The following RELN variants were observed in gnomAD, a reference collection of about 807,000 sequenced individuals.
RELN encodes reelin.
In RELN, 108 loss-of-function variants were observed where a neutral mutation model predicts 427.6. The ratio of observed to expected loss-of-function variants is 0.25; its 90% CI spans 0.22 to 0.30. The LOEUF is 0.30. Ranked by LOEUF, RELN falls within the 10% of genes least tolerant of loss-of-function variation. The pLI is 1.00. For synonymous variants in RELN, 1,524 were observed against 1,513.4 expected, an observed-to-expected ratio of 1.01 and a Z score of -0.16; for missense variants, 3,715 against 4,302.8, an observed-to-expected ratio of 0.86 and a Z score of 3.82.
intron 27 of RELN, among the ~76,000 whole-genome samples, chr7:103,592,269 A>G (rs538909707): frequency 6.6e-6 from 1 of 152,092 alleles, no homozygotes; most frequent in Non-Finnish European, 1.5e-5. Flanking sequence ...GCTGCCACTT[A>G]CAAGTGAGAA....
chr7:103,731,269 G>C (rs1239040222), intron 6 of RELN, among the ~76,000 whole-genome samples: 1 of 152,066 alleles, frequency 6.6e-6, no homozygotes, highest in Admixed American at 6.6e-5. Flanking sequence ...GTGTGTGATA[G>C]GGCACATACA....
In RELN at chr7:103,565,682, G is replaced by A. The variant is rs925492009; in HGVS notation, c.4937-131C>T. The A allele has an allele frequency of 3.2e-5, 26 of 813,326 alleles. No homozygotes were observed. In the African/African-American group the frequency reaches 4.3e-4, roughly 14 times the overall value. 50.4% of individuals were successfully genotyped at this position (813,326 alleles called of 1,614,324 possible). Reference sequence around the variant, plus strand: ...ATCTTTAGTGCCCCCTATGTGCTTTGACTTTTCTTCTTATATTTTCTGCTT... The same window carrying A: ...ATCTTTAGTGCCCCCTATGTGCTTTAACTTTTCTTCTTATATTTTCTGCTT... On this transcript the variant is annotated intron_variant, in intron 33 of 64. Transcript: ENST00000428762.
chr7:103,749,696 A>G (rs1158719881), intron 5 of RELN, among the ~76,000 whole-genome samples, 192 bp from the exon 6 acceptor site: 1 of 152,196 alleles, frequency 6.6e-6, no homozygotes, highest in East Asian at 1.9e-4. Context: ...CGGTTTAAAC[A>G]CCTAGAAGTT....
At chr7:103,638,101 T>C (rs1184913340) in intron 17 of RELN, among the ~76,000 whole-genome samples, 1 of 152,206 alleles carries the variant, frequency 6.6e-6, no homozygotes, top group Non-Finnish European at 1.5e-5. Context: ...TTTGTAGTCT[T>C]TGTTTCTCAG....
intron 12 of RELN, among the ~76,000 whole-genome samples, chr7:103,654,439 T>G (rs143804867): frequency 6.6e-6 from 1 of 152,232 alleles, no homozygotes; most frequent in Non-Finnish European, 1.5e-5. Context: ...ATTTGCTTCA[T>G]GAGATTACTC....
chr7:103,731,891 T>G (rs1426006263), intron 6 of RELN, among the ~76,000 whole-genome samples: 1 of 152,168 alleles, frequency 6.6e-6, no homozygotes, highest in African/African-American at 2.4e-5. Flanking sequence ...TTTTCACATG[T>G]AAGTAATATA....
At chr7:103,717,710 T>C (rs1789973735) in intron 8 of RELN, among the ~76,000 whole-genome samples, 1 of 152,112 alleles carries the variant, frequency 6.6e-6, no homozygotes, top group South Asian at 2.1e-4. Flanking sequence ...GAGGTGTCCA[T>C]GTTTCAGAAG....
Position 103,826,320 on chromosome 7 carries a change from A to ATGTGTGTGTGTG in RELN, c.473+7205_473+7216dup, listed in dbSNP as rs71154374. The stretch of plus-strand genomic sequence containing the variant: ...CAGAAGCACAAAACAGACTAAGACA[A>ATGTGTGTGTGTG]TGTGTGTGTGTGTGTGTGTGTGTGT... On this transcript the variant is annotated intron_variant, in intron 3 of 64. Transcript: ENST00000428762. Among the ~76,000 whole-genome samples, 610 of 122,046 alleles carry ATGTGTGTGTGTG rather than the reference A, an allele frequency of 5.0e-3. 2 individuals carry two copies. Among genetic ancestry groups the ATGTGTGTGTGTG allele is most frequent in the African/African-American group, 0.012 (431 of 35,926 alleles). The allele number at this position is 122,046 out of a possible 152,430, so 80.1% of individuals were successfully genotyped here. A position where few individuals can be genotyped will look rare whatever the true frequency, so the allele number is the denominator to read the frequency against.
chr7:103,950,632 G>A (rs190447439), intron 1 of RELN, among the ~76,000 whole-genome samples: 8 of 152,206 alleles, frequency 5.3e-5, no homozygotes, highest in African/African-American at 1.9e-4. Flanking sequence ...ATTTTATCTA[G>A]TTATCTACAT....
At chr7:103,701,039 T>TA in intron 8 of RELN, 33 bp from the exon 9 acceptor site, 1 of 1,221,824 alleles carries the variant, frequency 8.2e-7, no homozygotes. Context: ...ATTTCAAGGT[T>TA]AAAAAATGGT....
intron 2 of RELN, among the ~76,000 whole-genome samples, chr7:103,860,303 T>G (rs1228985525): frequency 2.0e-5 from 3 of 152,174 alleles, no homozygotes; most frequent in Non-Finnish European, 4.4e-5. Context: ...GGGATTAAGG[T>G]ATTAAGTTTT....
rs1400020974 is a variant in RELN at position 103,539,096 on chromosome 7, C to T, written c.7162G>A (p.Val2388Ile). The T allele has an allele frequency of 6.2e-7, 1 of 1,614,066 alleles. No individual in the cohort carries two copies. The highest frequency in any genetic ancestry group is 8.5e-7 in the Non-Finnish European group (1 of 1,180,042). ...LQIDFAASCS[V>I]TDSCYAIELE... ...TACTCACCATAACAAGAGTCTGTGACTGAGCAGGAGGCAGCGAAGTCTATC... is the reference window on the plus strand; with the variant it reads ...TACTCACCATAACAAGAGTCTGTGATTGAGCAGGAGGCAGCGAAGTCTATC... The change falls in exon 45 of 65, where the codon GTC becomes ATC. Residue 2388 changes from valine to isoleucine, a missense_variant. Physicochemically the swap from Val to Ile is conservative, Grantham distance 29 (BLOSUM62 3). Transcript: ENST00000428762.
chr7:103,482,691 G>T (rs1196156603), intron 63 of RELN, 182 bp downstream of exon 63: 1 of 793,320 alleles, frequency 1.3e-6, no homozygotes, highest in Non-Finnish European at 1.5e-6. Flanking sequence ...TTTCATTCGG[G>T]GCTTTGCTAT....
rs542426569 is a variant in RELN, at chr7:103,779,231, C to T, written c.474-2604G>A. Among the ~76,000 whole-genome samples the T allele has an allele frequency of 9.2e-5, 14 of 152,228 alleles. 1 individual carries two copies. The South Asian group carries it at 1.2e-3, about 14-fold the overall frequency. On this transcript the variant is annotated intron_variant, in intron 3 of 64. Coordinates refer to ENST00000428762, the MANE Select transcript of RELN (RefSeq NM_005045.4). Reference sequence around the variant, plus strand: ...CAGGCACCAGCCAATTCAACCAAACCGTCTAGGCTTTATATGTTCTAATTA... The same window carrying T: ...CAGGCACCAGCCAATTCAACCAAACTGTCTAGGCTTTATATGTTCTAATTA...
chr7:103,764,890 G>A (rs964408713), intron 4 of RELN, among the ~76,000 whole-genome samples: 7 of 151,314 alleles, frequency 4.6e-5, no homozygotes, highest in African/African-American at 1.2e-4. Flanking sequence ...AATGTGTGAT[G>A]TGGGAAGAAC....
intron 1 of RELN, among the ~76,000 whole-genome samples, chr7:103,920,422 T>C (rs1795587483): frequency 6.6e-6 from 1 of 152,112 alleles, no homozygotes; most frequent in South Asian, 2.1e-4. Context: ...TCCAAGATTA[T>C]CAGTCAAATG....
intron 2 of RELN, among the ~76,000 whole-genome samples, chr7:103,907,779 T>TA (rs1795247804): frequency 5.2e-5 from 5 of 96,768 alleles, no homozygotes; most frequent in African/African-American, 1.9e-4. Context: ...TTTTTCTTTT[T>TA]TAAAAAAAAA....
At chr7:103,755,731 G>A (rs1353320971) in intron 4 of RELN, among the ~76,000 whole-genome samples, 1 of 45,030 alleles carries the variant, frequency 2.2e-5, no homozygotes, top group Non-Finnish European at 4.8e-5. Flanking sequence ...CAGGAGAATG[G>A]CGTGAACTTG....
chr7:103,847,727 G>A (rs1312309959), intron 2 of RELN, among the ~76,000 whole-genome samples: 1 of 152,140 alleles, frequency 6.6e-6, no homozygotes, highest in Non-Finnish European at 1.5e-5. Flanking sequence ...AAGCCTTGTT[G>A]AGGCTCTTTT....
Sources: gnomAD v4.1 joint callset for allele counts (sites outside exome capture counted in the v4.1 genomes callset) on GRCh38, gnomAD v4.1.1 for gene constraint, MANE v1.5 for transcripts, NCBI Gene and HGNC (gene_info 2026-07-23, HGNC 2026-07-21) for gene names.